Variants in OXR1 observed in about 807,000 individuals in gnomAD.
OXR1 encodes the protein oxidation resistance 1, also known as oxidation resistance protein 1.
A neutral mutation model predicts 104.6 loss-of-function variants in OXR1; 41 were observed. That is an observed-to-expected ratio of 0.39 (90% CI 0.31 to 0.51). OXR1 has a LOEUF of 0.51. OXR1 is among the 20% of genes least tolerant of loss of function. OXR1 has a pLI of 0.77. For synonymous variants in OXR1, 348 were observed against 348.4 expected, an observed-to-expected ratio of 1.00 and a Z score of 0.01; for missense variants, 955 against 1,031.9, an observed-to-expected ratio of 0.93 and a Z score of 1.02.
chr8:106,469,393 C>T (rs537772377), intron 2 of OXR1, among the ~76,000 whole-genome samples: 2 of 151,918 alleles, frequency 1.3e-5, no homozygotes, highest in South Asian at 4.1e-4. Flanking sequence ...ATGTCTACTT[C>T]TGATCCAATT....
At chr8:106,390,315 A>C (rs1379826668) in intron 2 of OXR1, among the ~76,000 whole-genome samples, 1 of 152,190 alleles carries the variant, frequency 6.6e-6, no homozygotes, top group Non-Finnish European at 1.5e-5. Context: ...GACAAAAAAC[A>C]TCAGCCTTTC....
At chr8:106,552,709 T>C (rs1455932733) in intron 3 of OXR1, among the ~76,000 whole-genome samples, 2 of 152,212 alleles carry the variant, frequency 1.3e-5, no homozygotes, top group Non-Finnish European at 2.9e-5. Context: ...AAAGATAAAA[T>C]AGATAGCTTT....
rs539285982 is a variant in OXR1, at chr8:106,320,779, C to T, written c.-138-38697C>T. Reference sequence around the variant, plus strand: ...CTCTGCCTCCTGGGTTCAAGTGATTCTTGTGCCTCAGCCTCCCGAGTTCCT... The same window carrying T: ...CTCTGCCTCCTGGGTTCAAGTGATTTTTGTGCCTCAGCCTCCCGAGTTCCT... On this transcript the variant is annotated intron_variant, in intron 1 of 16. Coordinates refer to ENST00000517566, the MANE Select transcript of OXR1 (RefSeq NM_001198533.2). Among the ~76,000 whole-genome samples the T allele has an allele frequency of 9.1e-4, 139 of 152,214 alleles. No homozygotes were observed. The Middle Eastern group carries it at 0.01, about 11-fold the overall frequency.
At chr8:106,498,631 CTGTG>C in intron 2 of OXR1, among the ~76,000 whole-genome samples, 1 of 152,024 alleles carries the variant, frequency 6.6e-6, no homozygotes, top group African/African-American at 2.4e-5. Flanking sequence ...ACATGTTAAG[CTGTG>C]TGTGTGAGTG....
chr8:106,626,329 TTTTCTAAAAAAAAA>T (rs1487890972), intron 3 of OXR1, among the ~76,000 whole-genome samples: 2 of 151,206 alleles, frequency 1.3e-5, no homozygotes, highest in Non-Finnish European at 3.0e-5. Context: ...TTAAAATTCA[TTTTCTAAAAAAAAA>T]AAGTCTTTCC....
chr8:106,427,793 A>G (rs1819194426), intron 2 of OXR1, among the ~76,000 whole-genome samples: 1 of 152,178 alleles, frequency 6.6e-6, no homozygotes, highest in Non-Finnish European at 1.5e-5. Context: ...TGATATCTCA[A>G]TGTAGAATAA....
chr8:106,517,956 C>A (rs1342518960), intron 2 of OXR1, among the ~76,000 whole-genome samples: 1 of 152,056 alleles, frequency 6.6e-6, no homozygotes, highest in African/African-American at 2.4e-5. Flanking sequence ...TTATGAATAA[C>A]CCTCCATGCT....
intron 3 of OXR1, among the ~76,000 whole-genome samples, chr8:106,561,391 G>A (rs1816668922): frequency 6.6e-6 from 1 of 152,128 alleles, no homozygotes; most frequent in African/African-American, 2.4e-5. Flanking sequence ...CCACCACGGT[G>A]CTGCAAAACT....
chr8:106,513,208 G>A (rs957605670), intron 2 of OXR1, among the ~76,000 whole-genome samples: 1 of 152,094 alleles, frequency 6.6e-6, no homozygotes, highest in African/African-American at 2.4e-5. Context: ...TGTGACTTCA[G>A]ATTTCATTAT....
rs148450020 is a variant in OXR1 at position 106,706,617 on chromosome 8, T to A, written c.1096T>A (p.Ser366Thr). The A allele has an allele frequency of 7.3e-5, 117 of 1,613,102 alleles. No homozygotes were observed. The East Asian group carries it at 2.3e-3, about 31-fold the overall frequency. ...GCGACAAGATAAATCTTCTGGTGCG[T>A]CATCAGAATCTGTGCAAACTGTCAA... is the stretch of plus-strand genomic sequence containing the variant. ...ELRQDKSSGA[S>T]SESVQTVNQA... The change falls in exon 9 of 17, where the codon TCA becomes ACA. Residue 366 changes from serine to threonine, a missense_variant. Coordinates refer to ENST00000517566, the MANE Select transcript of OXR1 (RefSeq NM_001198533.2).
chr8:106,293,078 A>T (rs1160229290), intron 1 of OXR1, among the ~76,000 whole-genome samples: 2 of 152,214 alleles, frequency 1.3e-5, no homozygotes, highest in African/African-American at 2.4e-5. Context: ...TAATGTGCAA[A>T]AAATGGTAGT....
At chr8:106,685,076 A>G (rs758589249) in intron 6 of OXR1, among the ~76,000 whole-genome samples, 5 of 151,972 alleles carry the variant, frequency 3.3e-5, no homozygotes, top group Non-Finnish European at 7.4e-5. Context: ...TTTTTCATTT[A>G]TTTGATGGAT....
intron 3 of OXR1, among the ~76,000 whole-genome samples, chr8:106,677,976 A>C (rs1382196232): frequency 1.3e-5 from 2 of 152,048 alleles, no homozygotes; most frequent in Admixed American, 6.6e-5. Context: ...GGCTTTGTGG[A>C]AGAAAGGCAA....
chr8:106,536,578 A>T (rs1263756445), intron 3 of OXR1, among the ~76,000 whole-genome samples: 2 of 152,250 alleles, frequency 1.3e-5, no homozygotes, highest in African/African-American at 4.8e-5. Context: ...GCTACTAGGA[A>T]ATAGCATTTA....
intron 2 of OXR1, among the ~76,000 whole-genome samples, chr8:106,386,913 A>G (rs1563749334): frequency 6.6e-6 from 1 of 152,192 alleles, no homozygotes; most frequent in Non-Finnish European, 1.5e-5. Flanking sequence ...TTTTTTAAGA[A>G]GATTAATATG....
At chr8:106,446,856 G>T (rs1820031594) in intron 2 of OXR1, among the ~76,000 whole-genome samples, 1 of 152,144 alleles carries the variant, frequency 6.6e-6, no homozygotes, top group Non-Finnish European at 1.5e-5. Context: ...CACTTGAGAG[G>T]CTGAGTCTGC....
At chr8:106,570,821 T>C (rs149344659) in intron 3 of OXR1, among the ~76,000 whole-genome samples, 126 of 152,322 alleles carry the variant, frequency 8.3e-4, no homozygotes, top group African/African-American at 2.8e-3. Flanking sequence ...TTGAATCTCA[T>C]ACCTGCTATC....
At chr8:106,359,047 T>TTTTCTCTCTTTCTTTC (rs1816120121) in intron 1 of OXR1, among the ~76,000 whole-genome samples, 1 of 141,134 alleles carries the variant, frequency 7.1e-6, no homozygotes, top group African/African-American at 2.8e-5. Flanking sequence ...CATGGAATTC[T>TTTTCTCTCTTTCTTTC]TTTCTTTCTT....
At chr8:106,608,660 TCTGTTC>T (rs1224821531) in intron 3 of OXR1, among the ~76,000 whole-genome samples, 4 of 152,180 alleles carry the variant, frequency 2.6e-5, no homozygotes, top group Non-Finnish European at 4.4e-5. Flanking sequence ...TCTTGATAAA[TCTGTTC>T]TTTGTCATTA....
Sources: allele counts gnomAD v4.1 joint callset (sites outside exome capture counted in the v4.1 genomes callset), GRCh38; gene constraint gnomAD v4.1.1; transcripts MANE v1.5; gene names NCBI Gene and HGNC (gene_info 2026-07-23, HGNC 2026-07-21).